The following SH3GL2 variants were observed in gnomAD, a reference collection of about 807,000 sequenced individuals.
SH3GL2 encodes the protein SH3 domain containing GRB2 like 2, endophilin A1, also known as endophilin-A1.
In SH3GL2, 24 loss-of-function variants were observed where a neutral mutation model predicts 46.0. The observed-to-expected ratio is 0.52, with a 90% CI of 0.38 to 0.73. The LOEUF (loss-of-function observed/expected upper bound fraction) is 0.73. SH3GL2 is among the 30% of genes least tolerant of loss of function. SH3GL2 has a pLI of 0.00. For synonymous variants in SH3GL2, 196 were observed against 147.1 expected, an observed-to-expected ratio of 1.33 and a Z score of -2.40; for missense variants, 413 against 424.2, an observed-to-expected ratio of 0.97 and a Z score of 0.23.
At chr9:17,686,818 C>T (rs961201032) in intron 1 of SH3GL2, among the ~76,000 whole-genome samples, 26 of 147,656 alleles carry the variant, frequency 1.8e-4, no homozygotes, top group Non-Finnish European at 3.3e-4. Context: ...AGGGTTAGCA[C>T]TGGGAGATAT....
intron 1 of SH3GL2, among the ~76,000 whole-genome samples, chr9:17,615,541 G>A (rs1433592178): frequency 6.6e-6 from 1 of 151,554 alleles, no homozygotes; most frequent in Non-Finnish European, 1.5e-5. Context: ...TGTAATCCCA[G>A]CTACTCGGGA....
Position 17,699,063 on chromosome 9 carries a change from G to C in SH3GL2, c.46-48003G>C, listed in dbSNP as rs536274334. Among the ~76,000 whole-genome samples, 203 of 150,746 alleles carry C rather than the reference G, an allele frequency of 1.3e-3. 3 individuals are homozygous for C. The highest frequency in any genetic ancestry group is 4.7e-3 in the African/African-American group (191 of 41,012). Reference sequence around the variant, plus strand: ...TCAGCTACTTGGGAGGCTGAGGCAGGGGAATCGCTTGAACCTCAGAGGCAG... The same window carrying C: ...TCAGCTACTTGGGAGGCTGAGGCAGCGGAATCGCTTGAACCTCAGAGGCAG... On this transcript the variant is annotated intron_variant, in intron 1 of 8. Transcript: ENST00000380607.
chr9:17,581,684 G>C (rs774941995), intron 1 of SH3GL2, among the ~76,000 whole-genome samples: 3 of 151,830 alleles, frequency 2.0e-5, no homozygotes, highest in East Asian at 1.9e-4. Flanking sequence ...TATAGCCTGG[G>C]TTTGTTTGTT....
intron 1 of SH3GL2, among the ~76,000 whole-genome samples, chr9:17,713,607 C>G (rs1418751816): frequency 6.6e-6 from 1 of 151,474 alleles, no homozygotes; most frequent in Non-Finnish European, 1.5e-5. Flanking sequence ...GCTCAAAATG[C>G]ATTCTAATTT....
intron 3 of SH3GL2, among the ~76,000 whole-genome samples, chr9:17,780,585 G>T (rs1397273800): frequency 6.2e-5 from 8 of 129,548 alleles, no homozygotes; most frequent in Non-Finnish European, 1.1e-4. Flanking sequence ...ACCCACTAAC[G>T]TGTCATCTAG....
chr9:17,752,639 C>G lies in SH3GL2; in HGVS notation c.114+5505C>G, dbSNP rs1164811461. Among the ~76,000 whole-genome samples, 3 of 152,018 alleles carry G rather than the reference C, an allele frequency of 2.0e-5. No individual in the cohort carries two copies. In the East Asian group the frequency reaches 5.8e-4, roughly 29 times the overall value. ...CAGCCTCTCAAGTAGCTAGGACTAC[C>G]AGCACACACCACCATGCCTGCCTAA... On this transcript the variant is annotated intron_variant, in intron 2 of 8. Coordinates refer to ENST00000380607, the MANE Select transcript of SH3GL2 (RefSeq NM_003026.5).
intron 1 of SH3GL2, among the ~76,000 whole-genome samples, chr9:17,619,142 G>T (rs1028121277): frequency 1.8e-4 from 27 of 152,242 alleles, no homozygotes; most frequent in African/African-American, 6.3e-4. Context: ...AAGTGCAGAA[G>T]CCGTGGCATA....
chr9:17,630,989 G>C (rs1372021746), intron 1 of SH3GL2, among the ~76,000 whole-genome samples: 2 of 151,814 alleles, frequency 1.3e-5, no homozygotes, highest in African/African-American at 4.8e-5. Flanking sequence ...TAGGATGATG[G>C]GGAGGAGAGA....
At chr9:17,710,396 C>G (rs1194228368) in intron 1 of SH3GL2, among the ~76,000 whole-genome samples, 1 of 151,852 alleles carries the variant, frequency 6.6e-6, no homozygotes, top group Non-Finnish European at 1.5e-5. Context: ...AATACAGGGA[C>G]CATTAAGGAA....
At chr9:17,613,186 C>T (rs537111213) in intron 1 of SH3GL2, among the ~76,000 whole-genome samples, 1 of 152,070 alleles carries the variant, frequency 6.6e-6, no homozygotes, top group Non-Finnish European at 1.5e-5. Flanking sequence ...TCTGATGCCA[C>T]GTACTCTAGA....
chr9:17,747,993 T>G (rs1279156302), intron 2 of SH3GL2, among the ~76,000 whole-genome samples: 1 of 152,118 alleles, frequency 6.6e-6, no homozygotes. Context: ...TTTAAGTGAA[T>G]GTAAAATGAG....
chr9:17,779,992 A>G (rs1445684192), intron 3 of SH3GL2, among the ~76,000 whole-genome samples: 1 of 152,200 alleles, frequency 6.6e-6, no homozygotes, highest in East Asian at 1.9e-4. Flanking sequence ...CCTTGGCTGC[A>G]CATTAGAATC....
intron 1 of SH3GL2, among the ~76,000 whole-genome samples, chr9:17,705,910 T>C (rs1821460418): frequency 6.6e-6 from 1 of 151,942 alleles, no homozygotes; most frequent in Admixed American, 6.6e-5. Context: ...AATTTACCCA[T>C]GTAACAAACC....
intron 1 of SH3GL2, among the ~76,000 whole-genome samples, chr9:17,726,590 G>A (rs1016828710): frequency 2.0e-5 from 3 of 152,026 alleles, no homozygotes; most frequent in Non-Finnish European, 2.9e-5. Context: ...CACGACACAC[G>A]AATAAGAAGA....
chr9:17,601,052 A>G (rs961437024), intron 1 of SH3GL2, among the ~76,000 whole-genome samples: 8 of 152,004 alleles, frequency 5.3e-5, no homozygotes, highest in African/African-American at 1.9e-4. Context: ...ATTCTTAACC[A>G]TTGTGTATGT....
At chr9:17,579,748 C>T (rs1220650260) in intron 1 of SH3GL2, among the ~76,000 whole-genome samples, 1 of 152,144 alleles carries the variant, frequency 6.6e-6, no homozygotes, top group Non-Finnish European at 1.5e-5. Flanking sequence ...GGGCGGAGGC[C>T]GGCGGTTTGC....
At chr9:17,591,678 CT>C (rs1261635527) in intron 1 of SH3GL2, among the ~76,000 whole-genome samples, 1 of 152,122 alleles carries the variant, frequency 6.6e-6, no homozygotes, top group African/African-American at 2.4e-5. Context: ...TTCACAGTTC[CT>C]TTTCGGGTCT....
intron 1 of SH3GL2, among the ~76,000 whole-genome samples, chr9:17,726,653 GTGTGATATGCCTAGGCAGGCTATAAAA>G (rs748177011): frequency 3.3e-5 from 5 of 152,174 alleles, no homozygotes; most frequent in Non-Finnish European, 5.9e-5. Flanking sequence ...AAAAATAGAT[GTGTGATATGCCTAGGCAGGCTATAAAA>G]TAGGAAGCAG....
At chr9:17,591,980 A>G (rs116957541) in intron 1 of SH3GL2, among the ~76,000 whole-genome samples, 2,266 of 152,356 alleles carry the variant, frequency 0.015, 31 homozygotes, top group Non-Finnish European at 0.022. Flanking sequence ...CAGAACCAAC[A>G]TGATATGTAG....
Sources: gnomAD v4.1 joint callset for allele counts (sites outside exome capture counted in the v4.1 genomes callset) on GRCh38, gnomAD v4.1.1 for gene constraint, MANE v1.5 for transcripts, NCBI Gene and HGNC (gene_info 2026-07-23, HGNC 2026-07-21) for gene names.